Variants in SLC35F1 observed in about 807,000 individuals in gnomAD.
SLC35F1 encodes solute carrier family 35 member F1, also known as chromosome 6 open reading frame 169.
Under a neutral mutation model 48.7 loss-of-function variants are expected in SLC35F1, and 14 were observed. That is an observed-to-expected ratio of 0.29 (90% CI 0.19 to 0.45). SLC35F1 has a LOEUF of 0.45. Ranked by LOEUF, SLC35F1 falls within the 20% of genes least tolerant of loss-of-function variation. SLC35F1 has a pLI of 1.00. For missense variants in SLC35F1, 404 were observed against 500.0 expected (o/e 0.81, Z 1.83); for synonymous variants, 190 against 202.2 (o/e 0.94, Z 0.51).
chr6:117,961,030 T>C (rs2114835150), intron 1 of SLC35F1, among the ~76,000 whole-genome samples: 1 of 152,230 alleles, frequency 6.6e-6, no homozygotes, highest in East Asian at 1.9e-4. Flanking sequence ...TTCAGGTCTG[T>C]ATGCAAAAAA....
At chr6:118,104,473 A>G (rs1582668283) in intron 1 of SLC35F1, among the ~76,000 whole-genome samples, 1 of 152,230 alleles carries the variant, frequency 6.6e-6, no homozygotes, top group East Asian at 1.9e-4. Context: ...AACACAGTAA[A>G]TGCTCAATAA....
At chr6:118,262,170 A>T (rs73512527) in intron 3 of SLC35F1, among the ~76,000 whole-genome samples, 7,457 of 152,160 alleles carry the variant, frequency 0.049, 649 homozygotes, top group African/African-American at 0.17. Context: ...GCGCATCATG[A>T]TGAGCACACT....
chr6:118,122,246 GAA>G (rs59588804), intron 1 of SLC35F1, among the ~76,000 whole-genome samples: 4 of 140,552 alleles, frequency 2.8e-5, no homozygotes, highest in South Asian at 2.2e-4. Context: ...GTTCTACTCA[GAA>G]AAAAAAAAAA....
chr6:117,914,096 A>G (rs1182727721), intron 1 of SLC35F1, among the ~76,000 whole-genome samples: 5 of 149,364 alleles, frequency 3.3e-5, no homozygotes, highest in Non-Finnish European at 3.0e-5. Flanking sequence ...CTATCTATCT[A>G]TCTATCTATC....
chr6:118,146,894 T>C (rs1306229610), intron 1 of SLC35F1, among the ~76,000 whole-genome samples: 1 of 152,178 alleles, frequency 6.6e-6, no homozygotes, highest in Non-Finnish European at 1.5e-5. Context: ...GGATCAAAGA[T>C]ACAAATTCCA....
At chr6:118,111,195 A>T (rs1773394825) in intron 1 of SLC35F1, among the ~76,000 whole-genome samples, 1 of 152,142 alleles carries the variant, frequency 6.6e-6, no homozygotes, top group African/African-American at 2.4e-5. Context: ...ATGGCTGAGT[A>T]TTTTTCAAAA....
intron 1 of SLC35F1, among the ~76,000 whole-genome samples, chr6:118,056,741 C>G (rs1026939637): frequency 2.6e-5 from 4 of 152,122 alleles, no homozygotes; most frequent in African/African-American, 9.7e-5. Context: ...TGTCTTTATA[C>G]AAAGACTTTT....
At chr6:118,235,734 T>TGTATA in intron 3 of SLC35F1, 98 bp downstream of exon 3, 1 of 1,299,970 alleles carries the variant, frequency 7.7e-7, no homozygotes, top group East Asian at 2.4e-5. Flanking sequence ...AGTTACTATC[T>TGTATA]GTATACTATA....
rs1009178686 is a variant in SLC35F1 at position 117,944,586 on chromosome 6, TACACATAC to T, written c.173+36693_173+36700del. 4.6e-4 allele frequency among the ~76,000 whole-genome samples: 68 copies of T among 146,386 alleles called. 1 individual carries two copies. The highest frequency in any genetic ancestry group is 2.2e-3 in the East Asian group (11 of 5,032). The stretch of plus-strand genomic sequence containing the variant: ...ATCCCCCTCTCCCAAAACACACACA[TACACATAC>T]ACACACACACACACACACACACACA... On this transcript the variant is annotated intron_variant, in intron 1 of 7. Coordinates refer to ENST00000360388, the MANE Select transcript of SLC35F1 (RefSeq NM_001029858.4).
At chr6:117,999,402 C>T (rs372905500) in intron 1 of SLC35F1, 1 of 1,585,610 alleles carries the variant, frequency 6.3e-7, no homozygotes, top group South Asian at 1.1e-5. Context: ...TCAGTTCCAG[C>T]TCAGGCTCCC....
chr6:117,913,021 T>C (rs1054833564), intron 1 of SLC35F1, among the ~76,000 whole-genome samples: 7 of 152,240 alleles, frequency 4.6e-5, no homozygotes, highest in African/African-American at 1.7e-4. Flanking sequence ...ATCGCTCATA[T>C]AGCTCTAAAG....
chr6:118,296,779 C>T (rs748073814), intron 7 of SLC35F1, among the ~76,000 whole-genome samples: 3 of 152,112 alleles, frequency 2.0e-5, no homozygotes, highest in Non-Finnish European at 4.4e-5. Flanking sequence ...AAAAAAGCAG[C>T]TAGTTGTCTC....
intron 1 of SLC35F1, among the ~76,000 whole-genome samples, chr6:118,107,545 A>G (rs1391519740): frequency 6.6e-6 from 1 of 152,140 alleles, no homozygotes; most frequent in Admixed American, 6.5e-5. Flanking sequence ...AAAAATGAAC[A>G]CTTAGCCTGT....
At chr6:118,094,499 C>T (rs1344275364) in intron 1 of SLC35F1, among the ~76,000 whole-genome samples, 1 of 152,008 alleles carries the variant, frequency 6.6e-6, no homozygotes, top group Admixed American at 6.6e-5. Context: ...GGGCAGTACT[C>T]AAGAGGTCAT....
At position 118,291,284 on chromosome 6, in the gene SLC35F1, CAT is replaced by C. The variant is rs1315883498; in HGVS notation, c.1002+5952_1002+5953del. 3.7e-5 allele frequency among the ~76,000 whole-genome samples: 5 copies of C among 133,828 alleles called. No individual in the cohort carries two copies. In the East Asian group the frequency reaches 8.8e-4, roughly 24 times the overall value. 87.8% of individuals were successfully genotyped at this position (133,828 alleles called of 152,430 possible). A position where few individuals can be genotyped will look rare whatever the true frequency, so the allele number is the denominator to read the frequency against. Reference sequence around the variant, plus strand: ...ACACACACACACACACACACACACACATATATAATAACTTTGGGAAAAGCTGT... The same window carrying C: ...ACACACACACACACACACACACACACATATAATAACTTTGGGAAAAGCTGT... On this transcript the variant is annotated intron_variant, in intron 7 of 7. Transcript: ENST00000360388.
chr6:118,001,488 A>G (rs1777093421), intron 1 of SLC35F1, among the ~76,000 whole-genome samples: 1 of 152,254 alleles, frequency 6.6e-6, no homozygotes, highest in South Asian at 2.1e-4. Flanking sequence ...ATCTAAAACC[A>G]TAAAAATCCT....
intron 7 of SLC35F1, among the ~76,000 whole-genome samples, chr6:118,304,561 G>T (rs982342494): frequency 6.6e-6 from 1 of 152,076 alleles, no homozygotes. Flanking sequence ...AAATGCATTT[G>T]CAATTCAAAT....
chr6:118,231,419 A>G (rs1245318009), intron 2 of SLC35F1, among the ~76,000 whole-genome samples: 2 of 152,176 alleles, frequency 1.3e-5, no homozygotes, highest in African/African-American at 4.8e-5. Context: ...TGGGGACTCT[A>G]AGGAATGTAT....
At chr6:118,308,260 G>C (rs78575148) in intron 7 of SLC35F1, among the ~76,000 whole-genome samples, 1 of 152,086 alleles carries the variant, frequency 6.6e-6, no homozygotes, top group African/African-American at 2.4e-5. Flanking sequence ...TATGGTTAGC[G>C]TGCAAGTTGA....
Sources: gnomAD v4.1 joint callset for allele counts (sites outside exome capture counted in the v4.1 genomes callset) on GRCh38, gnomAD v4.1.1 for gene constraint, MANE v1.5 for transcripts, NCBI Gene and HGNC (gene_info 2026-07-23, HGNC 2026-07-21) for gene names.